The following PCDHGA2 variants were observed in gnomAD, a reference collection of about 807,000 sequenced individuals.
PCDHGA2 encodes the protein protocadherin gamma-A2.
Under a neutral mutation model 59.2 loss-of-function variants are expected in PCDHGA2, and 40 were observed. The ratio of observed to expected loss-of-function variants is 0.68; its 90% CI spans 0.52 to 0.88. PCDHGA2 has a LOEUF of 0.88. PCDHGA2 is among the 40% of genes least tolerant of loss of function. The probability of loss-of-function intolerance (pLI) is 0.00; values close to 1 mark genes in which losing one functional copy is unlikely to be tolerated. For synonymous variants in PCDHGA2, 560 were observed against 526.0 expected (o/e 1.06, Z -0.89); for missense variants, 1,226 against 1,204.0 (o/e 1.02, Z -0.27).
chr5:141,432,974 C>T lies in PCDHGA2; in HGVS notation c.2425-61833C>T. ...CGGCTTGACAGGAGCGCCGGCGTCG[C>T]ACTTTGTGGGCGTGGACGGGGTGCA... On this transcript the variant is annotated intron_variant, in intron 1 of 3. Coordinates refer to ENST00000394576, the MANE Select transcript of PCDHGA2 (RefSeq NM_018915.4). This position sits in a 1 kb window ranked among gnomAD's most constrained non-coding sequence, Gnocchi z 6.0. 6.2e-7 allele frequency: 1 copy of T among 1,614,204 alleles called. No individual in the cohort carries two copies. Among genetic ancestry groups the T allele is most frequent in the Non-Finnish European group, 8.5e-7 (1 of 1,180,030 alleles).
At chr5:141,393,553 A>G (rs377510269) in intron 1 of PCDHGA2, 2 of 1,613,810 alleles carry the variant, frequency 1.2e-6, no homozygotes, top group African/African-American at 2.7e-5. Context: ...CACCCGATTT[A>G]CCGAGTGAAA....
Position 141,487,660 on chromosome 5 carries a change from T to C in PCDHGA2, c.2425-7147T>C. Reference sequence around the variant, plus strand: ...AACAAATGCTTGAGGGTTATTCTGATCCAGGCATATGGCTAGGCCATGTCC... The same window carrying C: ...AACAAATGCTTGAGGGTTATTCTGACCCAGGCATATGGCTAGGCCATGTCC... On this transcript the variant is annotated intron_variant, in intron 1 of 3. Coordinates refer to ENST00000394576, the MANE Select transcript of PCDHGA2 (RefSeq NM_018915.4). The surrounding 1 kb of genome is among the most constrained non-coding windows in gnomAD (Gnocchi z 5.0). The C allele has an allele frequency of 6.2e-7, 1 of 1,613,442 alleles. No homozygotes were observed. The highest frequency in any genetic ancestry group is 8.5e-7 in the Non-Finnish European group (1 of 1,179,710).
chr5:141,450,645 C>T (rs2098688869), intron 1 of PCDHGA2, among the ~76,000 whole-genome samples: 2 of 151,618 alleles, frequency 1.3e-5, no homozygotes, highest in Non-Finnish European at 2.9e-5. Context: ...TGCCACCATG[C>T]CTGGCTAATT....
chr5:141,456,321 G>A (rs2098849819), intron 1 of PCDHGA2, among the ~76,000 whole-genome samples: 1 of 152,154 alleles, frequency 6.6e-6, no homozygotes, highest in African/African-American at 2.4e-5. Context: ...GGCTCCTCCT[G>A]GGGTTGATCT....
Position 141,485,715 on chromosome 5 carries a change from A to G in PCDHGA2, c.2425-9092A>G. The G allele has an allele frequency of 6.2e-7, 1 of 1,614,114 alleles. No homozygotes were observed. Among genetic ancestry groups the G allele is most frequent in the Non-Finnish European group, 8.5e-7 (1 of 1,180,012 alleles). On this transcript the variant is annotated intron_variant, in intron 1 of 3. Transcript: ENST00000394576. The surrounding 1 kb of genome is among the most constrained non-coding windows in gnomAD (Gnocchi z 5.7). ...AGCTCCAATGAACACTTTGCACTGGATGTGAAGAAGCGCAGCGACGGCAGC... is the reference window on the plus strand; with the variant it reads ...AGCTCCAATGAACACTTTGCACTGGGTGTGAAGAAGCGCAGCGACGGCAGC...
intron 1 of PCDHGA2, chr5:141,351,074 G>A: frequency 2.5e-6 from 4 of 1,614,076 alleles, no homozygotes; most frequent in Non-Finnish European, 3.4e-6. Context: ...GGGCATTAAT[G>A]CAGAGATCAC....
Position 141,511,378 on chromosome 5 carries a change from T to C in PCDHGA2, c.*205T>C. 1 of 1,202,114 alleles carries C rather than the reference T, an allele frequency of 8.3e-7. No homozygotes were observed. The highest frequency in any genetic ancestry group is 1.1e-6 in the Non-Finnish European group (1 of 882,194). The allele number at this position is 1,202,114 out of a possible 1,614,324, so 74.5% of individuals were successfully genotyped here. A position where few individuals can be genotyped will look rare whatever the true frequency, so the allele number is the denominator to read the frequency against. On this transcript the variant is annotated 3_prime_UTR_variant, in exon 4 of 4. Coordinates refer to ENST00000394576, the MANE Select transcript of PCDHGA2 (RefSeq NM_018915.4). ...AGGGGGTTGAATATGCAAAAGCAGT[T>C]CCGCTGGGAACCCCCATCCAATCAA...
chr5:141,466,766 T>G (rs1309395984), intron 1 of PCDHGA2, among the ~76,000 whole-genome samples: 2 of 152,194 alleles, frequency 1.3e-5, no homozygotes, highest in Non-Finnish European at 2.9e-5. Context: ...TTTCAAACTG[T>G]TATCTTATTC....
intron 1 of PCDHGA2, chr5:141,413,731 G>A (rs1008251304): frequency 6.2e-7 from 1 of 1,613,454 alleles, no homozygotes; most frequent in South Asian, 1.1e-5. Context: ...CTCCCTAAGA[G>A]TTCAGAGCCG....
chr5:141,431,265 G>A lies in PCDHGA2; in HGVS notation c.2425-63542G>A. 2 of 1,614,168 alleles carry A rather than the reference G, an allele frequency of 1.2e-6. No homozygotes were observed. On this transcript the variant is annotated intron_variant, in intron 1 of 3. Transcript: ENST00000394576. This position sits in a 1 kb window ranked among gnomAD's most constrained non-coding sequence, Gnocchi z 4.8. ...GATATCGGGAAGAACTCTCTGCAGA[G>A]CTACGAGCTCAGCCCGAACACTCAC...
chr5:141,433,329 G>A, intron 1 of PCDHGA2: 1 of 702,998 alleles, frequency 1.4e-6, no homozygotes, highest in Non-Finnish European at 2.4e-6. Context: ...GTGTAACAGG[G>A]ACTACAGGTG....
intron 1 of PCDHGA2, chr5:141,366,233 A>T (rs1354193643): frequency 6.2e-7 from 1 of 1,613,792 alleles, no homozygotes; most frequent in Admixed American, 1.7e-5. Flanking sequence ...CCTGCTGGAC[A>T]GAGACGCGCT....
chr5:141,399,773 G>A (rs750173338), intron 1 of PCDHGA2: 3 of 1,613,302 alleles, frequency 1.9e-6, no homozygotes, highest in Admixed American at 1.7e-5. Flanking sequence ...GTGTTGGTGG[G>A]CGACCGAAAC....
At chr5:141,359,668 C>T (rs979057333) in intron 1 of PCDHGA2, among the ~76,000 whole-genome samples, 3 of 151,898 alleles carry the variant, frequency 2.0e-5, no homozygotes, top group Non-Finnish European at 4.4e-5. Context: ...TATAAAAATC[C>T]GTTGCCCTAT....
chr5:141,350,456 G>A, intron 1 of PCDHGA2: 2 of 1,613,442 alleles, frequency 1.2e-6, no homozygotes, highest in African/African-American at 1.3e-5. Flanking sequence ...AAAACTGCGG[G>A]TTAGTGCAGA....
chr5:141,409,928 G>C (rs2095338081), intron 1 of PCDHGA2: 1 of 1,613,354 alleles, frequency 6.2e-7, no homozygotes, highest in Non-Finnish European at 8.5e-7. Context: ...CGCGTTCTTC[G>C]ATATGGTACC....
chr5:141,353,225 C>T (rs188336761), intron 1 of PCDHGA2, among the ~76,000 whole-genome samples: 4 of 152,266 alleles, frequency 2.6e-5, no homozygotes, highest in East Asian at 3.9e-4. Flanking sequence ...GATGTTAACA[C>T]TTAGTAATAG....
intron 1 of PCDHGA2, chr5:141,390,095 TC>T (rs1456939693): frequency 6.2e-7 from 1 of 1,613,972 alleles, no homozygotes; most frequent in Non-Finnish European, 8.5e-7. Context: ...AATCCGTGGT[TC>T]CCCCCAACTA....
At chr5:141,398,174 T>C (rs763077513) in intron 1 of PCDHGA2, 16 of 1,476,290 alleles carry the variant, frequency 1.1e-5, no homozygotes, top group African/African-American at 1.4e-5. Flanking sequence ...AGGCTGCCAG[T>C]GCTCTTTCTC....
Sources: gnomAD v4.1 joint callset for allele counts (sites outside exome capture counted in the v4.1 genomes callset) on GRCh38, gnomAD v4.1.1 for gene constraint, Gnocchi (gnomAD v3.1) non-coding constraint, MANE v1.5 for transcripts, NCBI Gene and HGNC (gene_info 2026-07-23, HGNC 2026-07-21) for gene names.